The following XIAP variants were observed in gnomAD, a reference collection of about 807,000 sequenced individuals.
The protein encoded by XIAP is E3 ubiquitin-protein ligase XIAP.
In XIAP, 3 loss-of-function variants were observed where a neutral mutation model predicts 33.1. The ratio of observed to expected loss-of-function variants is 0.09; its 90% confidence interval spans 0.04 to 0.23. XIAP has a LOEUF of 0.23. XIAP is among the 10% of genes least tolerant of loss of function. XIAP has a pLI of 1.00. For missense variants in XIAP, 264 were observed against 363.0 expected, an observed-to-expected ratio of 0.73 and a Z score of 2.22; for synonymous variants, 98 against 121.3, an observed-to-expected ratio of 0.81 and a Z score of 1.26.
intron 1 of XIAP, among the ~76,000 whole-genome samples, chrX:123,871,898 C>T (rs1164559728): frequency 3.6e-5 from 4 of 109,635 alleles, no homozygotes; most frequent in Non-Finnish European, 5.7e-5. Context: ...GTCAGGAGAT[C>T]GAGACCATCT....
At chrX:123,865,681 G>A (rs946521003) in intron 1 of XIAP, among the ~76,000 whole-genome samples, 1 of 111,058 alleles carries the variant, frequency 9.0e-6, no homozygotes, top group Non-Finnish European at 1.9e-5. Flanking sequence ...CCGAGATTGC[G>A]CCACTGCACT....
At chrX:123,878,303 A>G (rs1032753010) in intron 1 of XIAP, among the ~76,000 whole-genome samples, 1 of 111,775 alleles carries the variant, frequency 8.9e-6, no homozygotes, top group African/African-American at 3.2e-5. Context: ...CTTTTAGTAT[A>G]TGCAGAGTTG....
rs1175980983 is a variant in XIAP, at chrX:123,899,144, A to AATAT, written c.1100-1330_1100-1327dup. Among the ~76,000 whole-genome samples, 5 of 50,184 alleles carry AATAT rather than the reference A, an allele frequency of 1.0e-4. 1 individual carries two copies. Among genetic ancestry groups the AATAT allele is most frequent in the African/African-American group, 4.2e-4 (5 of 11,840 alleles). The allele number at this position is 50,184 out of a possible 115,157, so 43.6% of individuals were successfully genotyped here. A position where few individuals can be genotyped will look rare whatever the true frequency, so the allele number is the denominator to read the frequency against. ...CAAAAAAAAAAAAAAAAAAAAAAAAAATATATATATATATATATATATGAT... is the reference window on the plus strand; with the variant it reads ...CAAAAAAAAAAAAAAAAAAAAAAAAAATATATATATATATATATATATATATGAT... On this transcript the variant is annotated intron_variant, in intron 5 of 6. Coordinates refer to ENST00000371199, the MANE Select transcript of XIAP (RefSeq NM_001167.4).
Position 123,878,686 on chromosome X carries a change from G to A in XIAP, c.-32-6945G>A, listed in dbSNP as rs541528011. 5.3e-5 allele frequency: 6 copies of A among 112,579 alleles called. No individual in the cohort carries two copies. The South Asian group carries it at 2.2e-3, about 41-fold the overall frequency. The allele number at this position is 112,579 out of a possible 1,213,427, so 9.3% of individuals were successfully genotyped here. Reference sequence around the variant, plus strand: ...TACTACTGCTAAATTCACTTAATTAGAAGAAGTAAAATCATTCTATCGAGA... The same window carrying A: ...TACTACTGCTAAATTCACTTAATTAAAAGAAGTAAAATCATTCTATCGAGA... On this transcript the variant is annotated intron_variant, in intron 1 of 6. Coordinates refer to ENST00000371199, the MANE Select transcript of XIAP (RefSeq NM_001167.4).
chrX:123,908,855 C>A lies in XIAP; in HGVS notation c.*1674C>A. 5.7e-6 allele frequency: 2 copies of A among 349,534 alleles called. No homozygotes were observed. The highest frequency in any genetic ancestry group is 1.1e-5 in the Non-Finnish European group (2 of 182,179). 28.8% of individuals were successfully genotyped at this position (349,534 alleles called of 1,213,427 possible). A position where few individuals can be genotyped will look rare whatever the true frequency, so the allele number is the denominator to read the frequency against. ...TACATTACAAGATTCTCACAACAAACCTATTGTAGAGGTGAGTAAGGCATG... is the reference window on the plus strand; with the variant it reads ...TACATTACAAGATTCTCACAACAAAACTATTGTAGAGGTGAGTAAGGCATG... On this transcript the variant is annotated 3_prime_UTR_variant, in exon 7 of 7. Transcript: ENST00000371199.
intron 1 of XIAP, among the ~76,000 whole-genome samples, chrX:123,880,342 C>T (rs1198453259): frequency 1.6e-4 from 17 of 104,447 alleles, no homozygotes; most frequent in South Asian, 1.3e-3. Context: ...GCTCAAGAGG[C>T]GGAGGTTGTG....
At position 123,911,534 on chromosome X, in the gene XIAP, C is replaced by G. The variant is rs1431582131; in HGVS notation, c.*4353C>G. 3 of 314,492 alleles carry G rather than the reference C, an allele frequency of 9.5e-6. No individual in the cohort carries two copies. The highest frequency in any genetic ancestry group is 1.8e-5 in the Non-Finnish European group (3 of 166,298). The allele number at this position is 314,492 out of a possible 1,213,427, so 25.9% of individuals were successfully genotyped here. On this transcript the variant is annotated 3_prime_UTR_variant, in exon 7 of 7. Transcript: ENST00000371199. ...TAAATAGGTCAATACAAATGTTAGC[C>G]AGGCGTGGTGGCACATGCCCATAGT...
chrX:123,896,919 C>T (rs1445843591), intron 5 of XIAP, among the ~76,000 whole-genome samples: 1 of 102,500 alleles, frequency 9.8e-6, no homozygotes, highest in African/African-American at 3.5e-5. Context: ...GAAGCATAAA[C>T]GTCTTTAATT....
At chrX:123,863,053 G>T (rs769007263) in intron 1 of XIAP, among the ~76,000 whole-genome samples, 19 of 111,326 alleles carry the variant, frequency 1.7e-4, no homozygotes, top group Non-Finnish European at 3.0e-4. Flanking sequence ...TTGGGCCACT[G>T]TACTCCAGCC....
chrX:123,903,505 G>A (rs1356255644), intron 6 of XIAP, among the ~76,000 whole-genome samples: 3 of 109,410 alleles, frequency 2.7e-5, no homozygotes, highest in Admixed American at 9.9e-5. Flanking sequence ...TAACTTTTAT[G>A]ACCTTAATTG....
intron 1 of XIAP, 196 bp downstream of exon 1, chrX:123,860,489 G>T: frequency 3.9e-6 from 1 of 259,608 alleles, no homozygotes; most frequent in East Asian, 1.0e-4. Flanking sequence ...GCAGGCGTGG[G>T]TGGGTGGGTG....
At chrX:123,894,331 A>G (rs747887340) in intron 5 of XIAP, among the ~76,000 whole-genome samples, 23 of 112,921 alleles carry the variant, frequency 2.0e-4, no homozygotes, top group Non-Finnish European at 3.2e-4. Flanking sequence ...TAGGACCACA[A>G]GCAAGGTCTT....
At chrX:123,862,457 C>T (rs943596321) in intron 1 of XIAP, among the ~76,000 whole-genome samples, 4 of 108,709 alleles carry the variant, frequency 3.7e-5, no homozygotes, top group Admixed American at 2.0e-4. Flanking sequence ...CTGCAACCTC[C>T]GCCTCCCAGG....
intron 1 of XIAP, among the ~76,000 whole-genome samples, chrX:123,860,880 G>A (rs1426512135): frequency 9.0e-6 from 1 of 111,534 alleles, no homozygotes; most frequent in South Asian, 3.7e-4. Flanking sequence ...CTTCGAAAAA[G>A]GAACAACGTC....
Position 123,908,329 on chromosome X carries a change from A to G in XIAP, c.*1148A>G, listed in dbSNP as rs1269494165. On this transcript the variant is annotated 3_prime_UTR_variant, in exon 7 of 7. Transcript: ENST00000371199. ...AAGTATTTCTGATTTTGTAAAATGA[A>G]ATATAAAATATGTCTCAGATCTTCC... 1 of 368,858 alleles carries G rather than the reference A, an allele frequency of 2.7e-6. No homozygotes were observed. The highest frequency in any genetic ancestry group is 2.5e-5 in the African/African-American group (1 of 39,534). The allele number at this position is 368,858 out of a possible 1,213,427, so 30.4% of individuals were successfully genotyped here. A position where few individuals can be genotyped will look rare whatever the true frequency, so the allele number is the denominator to read the frequency against.
chrX:123,899,157 ATATATATATGATTT>A (rs765701946), intron 5 of XIAP, among the ~76,000 whole-genome samples: 4,317 of 38,351 alleles, frequency 0.11, 998 homozygotes, highest in African/African-American at 0.14. Flanking sequence ...ATATATATAT[ATATATATATGATTT>A]TATATATATA....
intron 4 of XIAP, 27 bp from the exon 5 acceptor site, chrX:123,892,703 TA>T: frequency 8.6e-7 from 1 of 1,163,915 alleles, no homozygotes; most frequent in Non-Finnish European, 1.2e-6. Context: ...AAAATAATTC[TA>T]ACTTACAGTT....
At chrX:123,869,068 C>G (rs907243656) in intron 1 of XIAP, among the ~76,000 whole-genome samples, 1 of 110,829 alleles carries the variant, frequency 9.0e-6, no homozygotes, top group African/African-American at 3.3e-5. Context: ...AGCTTGATCT[C>G]AGATGGTCAG....
chrX:123,896,063 A>G (rs1294845327), intron 5 of XIAP, among the ~76,000 whole-genome samples: 2 of 79,248 alleles, frequency 2.5e-5, no homozygotes, highest in African/African-American at 4.5e-5. Flanking sequence ...TGCCCGACCC[A>G]TTTTTTATTT....
Sources: allele counts gnomAD v4.1 joint callset (sites outside exome capture counted in the v4.1 genomes callset), GRCh38; gene constraint gnomAD v4.1.1; transcripts MANE v1.5; gene names NCBI Gene and HGNC (gene_info 2026-07-23, HGNC 2026-07-21).